RSPH4A: variants seen among roughly 807,000 people sequenced by gnomAD.
RSPH4A encodes the protein radial spoke head component 4A.
RSPH4A carries 47 observed loss-of-function variants against 71.0 expected under a neutral mutation model. The ratio of observed to expected loss-of-function variants is 0.66; its 90% CI spans 0.52 to 0.84. The LOEUF is 0.84. Ranked by LOEUF, RSPH4A falls within the 40% of genes least tolerant of loss-of-function variation. The probability of loss-of-function intolerance (pLI) is 0.00; values close to 1 mark genes in which losing one functional copy is unlikely to be tolerated. For missense variants in RSPH4A, 793 were observed against 855.2 expected, an observed-to-expected ratio of 0.93 and a Z score of 0.91; for synonymous variants, 282 against 302.3, an observed-to-expected ratio of 0.93 and a Z score of 0.70.
At chr6:116,628,447 A>G in intron 3 of RSPH4A, 78 bp downstream of exon 3, 2 of 1,195,452 alleles carry the variant, frequency 1.7e-6, no homozygotes, top group Non-Finnish European at 2.4e-6. Flanking sequence ...GCACAAAGAC[A>G]TACAAAATAA....
At chr6:116,631,833 G>T (rs1775809809) in intron 5 of RSPH4A, among the ~76,000 whole-genome samples, 1 of 152,126 alleles carries the variant, frequency 6.6e-6, no homozygotes, top group Non-Finnish European at 1.5e-5. Context: ...CCAACTCCTT[G>T]CCCAACCAGG....
chr6:116,620,570 A>T (rs946181391), intron 1 of RSPH4A, among the ~76,000 whole-genome samples: 3 of 152,196 alleles, frequency 2.0e-5, no homozygotes, highest in African/African-American at 7.2e-5. Flanking sequence ...CCATTTTTTT[A>T]AAAATAAATT....
intron 5 of RSPH4A, among the ~76,000 whole-genome samples, chr6:116,631,056 ATC>A (rs1775797374): frequency 6.6e-6 from 1 of 151,980 alleles, no homozygotes; most frequent in Admixed American, 6.6e-5. Context: ...TTAAAATAAC[ATC>A]TGTGATACAC....
rs1383539979 is a variant in RSPH4A at position 116,628,090 on chromosome 6, T to G, written c.1383T>G (p.Phe461Leu). 1 of 1,614,130 alleles carries G rather than the reference T, an allele frequency of 6.2e-7. No homozygotes were observed. The highest frequency in any genetic ancestry group is 1.1e-5 in the South Asian group (1 of 91,082). ...TTATTGCAAGAAAAATCAAGAAATT[T>G]TTCACTGGGCGATTGGATGCTCCCA... ...QIVIARKIKK[F>L]FTGRLDAPII... Residue 461 changes from phenylalanine (F) to leucine (L), a missense_variant, in exon 3 of 6, where the codon TTT becomes TTG. Coordinates refer to ENST00000229554, the MANE Select transcript of RSPH4A (RefSeq NM_001010892.3).
At chr6:116,627,504 C>T (rs1775715346) in intron 2 of RSPH4A, 125 bp from the exon 3 acceptor site, 1 of 879,768 alleles carries the variant, frequency 1.1e-6, no homozygotes, top group South Asian at 1.4e-5. Flanking sequence ...CCAATTTGAT[C>T]TAAATCTTGA....
intron 1 of RSPH4A, among the ~76,000 whole-genome samples, chr6:116,618,369 C>G (rs1035230715): frequency 1.3e-5 from 2 of 152,150 alleles, no homozygotes; most frequent in African/African-American, 4.8e-5. Context: ...AGATTGGAGG[C>G]CCCCAGAGAG....
In RSPH4A at chr6:116,628,068, T is replaced by C. The variant is rs752047678; in HGVS notation, c.1361T>C (p.Ile454Thr). Residue 454 changes from isoleucine (I) to threonine (T), a missense_variant, in exon 3 of 6, where the codon ATT becomes ACT. Transcript: ENST00000229554. ...CCAGTTATACCTGCACAAATTGTTATTGCAAGAAAAATCAAGAAATTTTTC... is the reference window on the plus strand; with the variant it reads ...CCAGTTATACCTGCACAAATTGTTACTGCAAGAAAAATCAAGAAATTTTTC... ...LPPVIPAQIV[I>T]ARKIKKFFTG... is the part of the protein sequence containing the mutation. 5.6e-6 allele frequency: 9 copies of C among 1,614,184 alleles called. No individual in the cohort carries two copies. In the East Asian group the frequency reaches 1.3e-4, roughly 24 times the overall value.
Position 116,629,702 on chromosome 6 carries a change from G to A in RSPH4A, c.1798G>A (p.Glu600Lys). 1 of 1,609,486 alleles carries A rather than the reference G, an allele frequency of 6.2e-7. No homozygotes were observed. Among genetic ancestry groups the A allele is most frequent in the Non-Finnish European group, 8.5e-7 (1 of 1,176,102 alleles). ...PLLTPISEDL[E>K]IQNIPPWTTR... ...TTTGACACCAATCTCTGAAGATTTA[G>A]GTTATTTTACGTAACTATTATCACA... Residue 600 changes from glutamate to lysine, a missense_variant and splice_region_variant, in exon 4 of 6, where the codon GAG becomes AAG. Coordinates refer to ENST00000229554, the MANE Select transcript of RSPH4A (RefSeq NM_001010892.3).
rs1186876281 is a variant in RSPH4A at position 116,622,867 on chromosome 6, A to G, written c.786A>G (p.Ala262=). Residue 262 remains alanine, a synonymous_variant, in exon 2 of 6, where the codon GCA becomes GCG. Coordinates refer to ENST00000229554, the MANE Select transcript of RSPH4A (RefSeq NM_001010892.3). The part of the protein sequence containing the change: ...FENISQDVKM[A]HFSKKFDALQ... ...ATATTAGCCAAGATGTGAAGATGGC[A>G]CATTTTAGTAAAAAATTTGATGCAC... 1 of 1,613,120 alleles carries G rather than the reference A, an allele frequency of 6.2e-7. No homozygotes were observed. The highest frequency in any genetic ancestry group is 1.3e-5 in the African/African-American group (1 of 75,042).
chr6:116,620,883 G>A (rs2115354691), intron 1 of RSPH4A, among the ~76,000 whole-genome samples: 1 of 152,212 alleles, frequency 6.6e-6, no homozygotes, highest in Non-Finnish European at 1.5e-5. Flanking sequence ...TTTTGAGACA[G>A]AGTCTCACGT....
rs745492650 is a variant in RSPH4A at position 116,630,552 on chromosome 6, A to G, written c.1916A>G (p.Lys639Arg). 2 of 1,404,020 alleles carry G rather than the reference A, an allele frequency of 1.4e-6. No individual in the cohort carries two copies. Among genetic ancestry groups the G allele is most frequent in the Non-Finnish European group, 2.0e-6 (2 of 988,972 alleles). The allele number at this position is 1,404,020 out of a possible 1,614,324, so 87.0% of individuals were successfully genotyped here. A position where few individuals can be genotyped will look rare whatever the true frequency, so the allele number is the denominator to read the frequency against. Residue 639 changes from lysine to arginine, a missense_variant and splice_region_variant, in exon 5 of 6, where the codon AAA becomes AGA. By Grantham distance (26) the Lys-to-Arg change is conservative. Transcript: ENST00000229554. ...GGAGCATATGCCTTCTCCAATGGCA[A>G]GTAAGTATCTGACCACTTACAAAGC... ...WPGAYAFSNG[K>R]KFENFYIGWG...
At chr6:116,622,439 G>A (rs999735118) in intron 1 of RSPH4A, among the ~76,000 whole-genome samples, 2 of 152,098 alleles carry the variant, frequency 1.3e-5, no homozygotes, top group African/African-American at 4.8e-5. Context: ...TCTTTAATAA[G>A]TTAAACATCC....
chr6:116,624,808 A>G (rs1775668127), intron 2 of RSPH4A, among the ~76,000 whole-genome samples: 1 of 152,212 alleles, frequency 6.6e-6, no homozygotes, highest in Non-Finnish European at 1.5e-5. Context: ...TTCATACACT[A>G]TGTGACTACT....
Position 116,628,389 on chromosome 6 carries a change from C to T in RSPH4A, c.1662+20C>T. The T allele has an allele frequency of 6.4e-7, 1 of 1,574,024 alleles. No homozygotes were observed. The highest frequency in any genetic ancestry group is 8.7e-7 in the Non-Finnish European group (1 of 1,144,464). ...TCTCAGGTAGGAGCTTTGCACTTCT[C>T]AATCTATCAGGTAATTAGGCAAATA... is the stretch of plus-strand genomic sequence containing the variant. On this transcript the variant is annotated intron_variant, in intron 3 of 5. Transcript: ENST00000229554.
intron 1 of RSPH4A, among the ~76,000 whole-genome samples, chr6:116,622,242 G>A (rs941476097): frequency 6.6e-6 from 1 of 152,112 alleles, no homozygotes; most frequent in Non-Finnish European, 1.5e-5. Flanking sequence ...TAAAGACAGA[G>A]TCAACAAGAT....
Position 116,628,066 on chromosome 6 carries a change from T to A in RSPH4A, c.1359T>A (p.Val453=), listed in dbSNP as rs1266857059. The A allele has an allele frequency of 6.2e-7, 1 of 1,614,180 alleles. No individual in the cohort carries two copies. Among genetic ancestry groups the A allele is most frequent in the Admixed American group, 1.7e-5 (1 of 60,016 alleles). The change falls in exon 3 of 6, where the codon GTT becomes GTA. Residue 453 remains valine, a synonymous_variant. Coordinates refer to ENST00000229554, the MANE Select transcript of RSPH4A (RefSeq NM_001010892.3). ...CACCAGTTATACCTGCACAAATTGTTATTGCAAGAAAAATCAAGAAATTTT... is the reference window on the plus strand; with the variant it reads ...CACCAGTTATACCTGCACAAATTGTAATTGCAAGAAAAATCAAGAAATTTT... ...KLPPVIPAQI[V]IARKIKKFFT...
chr6:116,627,458 A>T (rs992643999), intron 2 of RSPH4A, among the ~76,000 whole-genome samples, 171 bp from the exon 3 acceptor site: 1 of 152,170 alleles, frequency 6.6e-6, no homozygotes, highest in Non-Finnish European at 1.5e-5. Flanking sequence ...AGCCTCCCAA[A>T]GTGCTTGGAT....
rs775450268 is a variant in RSPH4A, at chr6:116,617,121, G to T, written c.498G>T (p.Val166=). 1 of 1,614,200 alleles carries T rather than the reference G, an allele frequency of 6.2e-7. No individual in the cohort carries two copies. Among genetic ancestry groups the T allele is most frequent in the Non-Finnish European group, 8.5e-7 (1 of 1,180,036 alleles). ...CCCACCTGTGTGGACGAAGGGACGT[G>T]AGCTATAACAACGCTAAACAGAAAG... is the stretch of plus-strand genomic sequence containing the variant. ...PKPHLCGRRD[V]SYNNAKQKEL... Residue 166 remains valine (V), a synonymous_variant, in exon 1 of 6, where the codon GTG becomes GTT. Coordinates refer to ENST00000229554, the MANE Select transcript of RSPH4A (RefSeq NM_001010892.3).
At chr6:116,620,699 A>C (rs181731115) in intron 1 of RSPH4A, among the ~76,000 whole-genome samples, 282 of 152,330 alleles carry the variant, frequency 1.9e-3, no homozygotes, top group South Asian at 2.3e-3. Context: ...TATATATATT[A>C]TATTGAAACC....
Sources: allele counts gnomAD v4.1 joint callset (sites outside exome capture counted in the v4.1 genomes callset), GRCh38; gene constraint gnomAD v4.1.1; transcripts MANE v1.5; gene names NCBI Gene and HGNC (gene_info 2026-07-23, HGNC 2026-07-21).